SLC36A1: variants seen among roughly 807,000 people sequenced by gnomAD.
SLC36A1 encodes solute carrier family 36 member 1, also known as proton-coupled amino acid transporter 1.
Under a neutral mutation model 47.5 loss-of-function variants are expected in SLC36A1, and 30 were observed. The ratio of observed to expected loss-of-function variants is 0.63; its 90% CI spans 0.47 to 0.86. The LOEUF (loss-of-function observed/expected upper bound fraction) is 0.86, where lower values mean the gene tolerates loss of function less well. Ranked by LOEUF, SLC36A1 falls within the 40% of genes least tolerant of loss-of-function variation. The probability of loss-of-function intolerance (pLI) is 0.00; values close to 1 mark genes in which losing one functional copy is unlikely to be tolerated. For missense variants in SLC36A1, 517 were observed against 606.0 expected (o/e 0.85, Z 1.54); for synonymous variants, 255 against 249.7 (o/e 1.02, Z -0.20).
chr5:151,511,195 T>C, the SLC36A1 span: 3 of 152,176 alleles, frequency 2.0e-5, no homozygotes, highest in Admixed American at 2.0e-4. Flanking sequence ...TCCTTGGATA[T>C]TTTGCAGGTA....
the SLC36A1 span, chr5:151,347,361 C>T: frequency 6.2e-7 from 1 of 1,614,206 alleles, no homozygotes; most frequent in Non-Finnish European, 8.5e-7. Context: ...AATGTAGAGT[C>T]CTTGTTCTCC....
At chr5:151,517,567 C>A in the SLC36A1 span, 10 of 1,608,064 alleles carry the variant, frequency 6.2e-6, no homozygotes, top group Non-Finnish European at 8.5e-6. Context: ...TCACCCCCTA[C>A]CTCCCCAGCC....
the SLC36A1 span, among the ~76,000 whole-genome samples, chr5:151,344,987 G>C: frequency 1.3e-4 from 20 of 152,110 alleles, no homozygotes; most frequent in African/African-American, 4.6e-4. Context: ...TCTCAGCCCA[G>C]GGCATCAAGG....
the SLC36A1 span, among the ~76,000 whole-genome samples, chr5:151,555,457 G>A: frequency 7.0e-6 from 1 of 142,906 alleles, no homozygotes. Flanking sequence ...TGCAACCTCC[G>A]TCTCCCAGGT....
chr5:151,367,000 A>C, the SLC36A1 span, among the ~76,000 whole-genome samples: 1 of 152,212 alleles, frequency 6.6e-6, no homozygotes, highest in African/African-American at 2.4e-5. Flanking sequence ...TGCAAAAAGC[A>C]GAACCACTAA....
At chr5:151,361,348 C>T in the SLC36A1 span, among the ~76,000 whole-genome samples, 1 of 152,154 alleles carries the variant, frequency 6.6e-6, no homozygotes, top group Non-Finnish European at 1.5e-5. Flanking sequence ...ACATTGTATT[C>T]TTTATTGAGC....
intron 1 of SLC36A1, among the ~76,000 whole-genome samples, chr5:151,454,775 C>A (rs971434323): frequency 7.1e-6 from 1 of 140,828 alleles, no homozygotes; most frequent in East Asian, 2.2e-4. Flanking sequence ...TGCAGTGGCG[C>A]GATCTCGGCT....
chr5:151,365,837 G>T, the SLC36A1 span, among the ~76,000 whole-genome samples: 1 of 152,166 alleles, frequency 6.6e-6, no homozygotes, highest in Middle Eastern at 3.2e-3. Context: ...CATAACGTAT[G>T]GGATGCATTT....
At chr5:151,517,883 C>T in the SLC36A1 span, 1 of 1,250,100 alleles carries the variant, frequency 8.0e-7, no homozygotes, top group African/African-American at 1.5e-5. Flanking sequence ...ATATTTTATA[C>T]ATGAAGAAAC....
the SLC36A1 span, among the ~76,000 whole-genome samples, chr5:151,356,358 AAAG>A: frequency 2.0e-5 from 3 of 149,630 alleles, no homozygotes; most frequent in African/African-American, 7.4e-5. Context: ...AAAAAAAAAA[AAAG>A]AATACACGAA....
chr5:151,488,399 GGGCCAGGTAACCTGA>G lies in SLC36A1; in HGVS notation c.*148_*162del. ...CCTCTGCCTGGCACCTGGATACCCT[GGGCCAGGTAACCTGA>G]GGGCAGGGGAGAGGTGGGGTGGCAG... On this transcript the variant is annotated 3_prime_UTR_variant, in exon 11 of 11. Coordinates refer to ENST00000243389, the MANE Select transcript of SLC36A1 (RefSeq NM_078483.4). 1 of 1,097,736 alleles carries G rather than the reference GGGCCAGGTAACCTGA, an allele frequency of 9.1e-7. No homozygotes were observed. The highest frequency in any genetic ancestry group is 1.3e-6 in the Non-Finnish European group (1 of 781,820). 68.0% of individuals were successfully genotyped at this position (1,097,736 alleles called of 1,614,324 possible). A position where few individuals can be genotyped will look rare whatever the true frequency, so the allele number is the denominator to read the frequency against.
the SLC36A1 span, among the ~76,000 whole-genome samples, chr5:151,427,266 T>C: frequency 6.6e-6 from 1 of 152,238 alleles, no homozygotes; most frequent in South Asian, 2.1e-4. Flanking sequence ...ATACACATTA[T>C]ATATACATGA....
chr5:151,526,263 T>A, the SLC36A1 span, among the ~76,000 whole-genome samples: 1 of 152,206 alleles, frequency 6.6e-6, no homozygotes, highest in Non-Finnish European at 1.5e-5. Flanking sequence ...AGAGATGACT[T>A]GCTCAAGATC....
the SLC36A1 span, among the ~76,000 whole-genome samples, chr5:151,358,510 C>T: frequency 6.6e-6 from 1 of 152,192 alleles, no homozygotes; most frequent in Non-Finnish European, 1.5e-5. Context: ...CTGCCTCAGC[C>T]TTCCAAATGC....
chr5:151,524,739 G>A, the SLC36A1 span, among the ~76,000 whole-genome samples: 9,791 of 152,134 alleles, frequency 0.064, 426 homozygotes, highest in African/African-American at 0.12. Context: ...TGCTCATGAT[G>A]TTCTCAGTAC....
At chr5:151,445,178 G>A (rs1045627796), upstream of SLC36A1, among the ~76,000 whole-genome samples, 1 of 152,120 alleles carries the variant, frequency 6.6e-6, no homozygotes, top group Non-Finnish European at 1.5e-5. Context: ...TGGGGTGGGG[G>A]TTAGGGAAGG....
the SLC36A1 span, among the ~76,000 whole-genome samples, chr5:151,536,515 G>T: frequency 6.6e-6 from 1 of 152,048 alleles, no homozygotes; most frequent in Non-Finnish European, 1.5e-5. Context: ...ACCCTCCCCT[G>T]CAGCAGCAGG....
At chr5:151,348,227 A>G in the SLC36A1 span, among the ~76,000 whole-genome samples, 1 of 152,222 alleles carries the variant, frequency 6.6e-6, no homozygotes, top group Non-Finnish European at 1.5e-5. Context: ...ACTCCCAGCC[A>G]CAGTTTGCTG....
At chr5:151,545,743 T>G in the SLC36A1 span, 108 of 1,613,946 alleles carry the variant, frequency 6.7e-5, 1 homozygote, top group Non-Finnish European at 9.2e-5. Flanking sequence ...GGAATTAGCT[T>G]CTTTGTCACT....
Sources: gnomAD v4.1 joint callset for allele counts (sites outside exome capture counted in the v4.1 genomes callset) on GRCh38, gnomAD v4.1.1 for gene constraint, MANE v1.5 for transcripts, NCBI Gene and HGNC (gene_info 2026-07-23, HGNC 2026-07-21) for gene names.